RBFOX1: variants seen among roughly 807,000 people sequenced by gnomAD.
The protein encoded by RBFOX1 is RNA binding fox-1 homolog 1, also known as RNA binding protein fox-1 homolog 1.
Under a neutral mutation model 57.7 loss-of-function variants are expected in RBFOX1, and 8 were observed. The ratio of observed to expected loss-of-function variants is 0.14; its 90% confidence interval spans 0.08 to 0.25. RBFOX1 has a LOEUF of 0.25. Among genes scored for constraint, RBFOX1 ranks in the 10% least tolerant of loss-of-function variants. The pLI, the probability that RBFOX1 is intolerant of heterozygous loss-of-function variation, is 1.00. For missense variants in RBFOX1, 611 were observed against 548.5 expected, an observed-to-expected ratio of 1.11 and a Z score of -1.14; for synonymous variants, 326 against 222.4, an observed-to-expected ratio of 1.47 and a Z score of -4.15.
At chr16:6,987,243 C>T (rs1314478860) in intron 3 of RBFOX1, among the ~76,000 whole-genome samples, 7 of 152,106 alleles carry the variant, frequency 4.6e-5, no homozygotes, top group Non-Finnish European at 1.0e-4. Flanking sequence ...TGGTTATGCA[C>T]AGATTTATTG....
chr16:6,301,898 C>T (rs1263391493), intron 1 of RBFOX1, among the ~76,000 whole-genome samples: 3 of 152,120 alleles, frequency 2.0e-5, no homozygotes, highest in Non-Finnish European at 4.4e-5. Flanking sequence ...GATCCGGTAG[C>T]ACAGGTAGTC....
At chr16:6,561,018 C>T (rs1486297224) in intron 2 of RBFOX1, among the ~76,000 whole-genome samples, 5 of 152,320 alleles carry the variant, frequency 3.3e-5, no homozygotes, top group African/African-American at 1.2e-4. Context: ...ACTTCAAACG[C>T]ACCCTCCAAC....
At chr16:7,504,822 GACTA>G (rs1275839049) in intron 4 of RBFOX1, among the ~76,000 whole-genome samples, 1 of 112,562 alleles carries the variant, frequency 8.9e-6, no homozygotes, top group African/African-American at 4.9e-5. Flanking sequence ...TATATATAGT[GACTA>G]ACATTGTCTG....
intron 2 of RBFOX1, among the ~76,000 whole-genome samples, chr16:6,359,926 T>G (rs1457131649): frequency 2.0e-5 from 3 of 152,170 alleles, no homozygotes; most frequent in Non-Finnish European, 4.4e-5. Flanking sequence ...ATCATTAAAT[T>G]AATGGGATGT....
intron 3 of RBFOX1, among the ~76,000 whole-genome samples, chr16:6,927,779 T>A (rs2075866294): frequency 6.6e-6 from 1 of 152,150 alleles, no homozygotes; most frequent in Non-Finnish European, 1.5e-5. Context: ...TTGTTTTTGT[T>A]CTGTTGAATT....
chr16:5,369,324 T>A (rs1363073281), intron 1 of RBFOX1, among the ~76,000 whole-genome samples: 5 of 152,158 alleles, frequency 3.3e-5, no homozygotes, highest in African/African-American at 9.7e-5. Flanking sequence ...AAATGTAAAA[T>A]AAGCAACATT....
At chr16:6,932,609 T>A (rs1046652795) in intron 3 of RBFOX1, among the ~76,000 whole-genome samples, 4 of 152,164 alleles carry the variant, frequency 2.6e-5, no homozygotes, top group African/African-American at 9.7e-5. Flanking sequence ...CACGGGCCTG[T>A]CCACAGGCTG....
intron 4 of RBFOX1, among the ~76,000 whole-genome samples, chr16:7,509,592 A>G (rs1393686766): frequency 6.6e-6 from 1 of 152,210 alleles, no homozygotes; most frequent in Non-Finnish European, 1.5e-5. Flanking sequence ...CCAGTCTGCA[A>G]AAGAGCTGGA....
chr16:7,252,764 C>G (rs1017582502), intron 4 of RBFOX1, among the ~76,000 whole-genome samples: 11 of 150,928 alleles, frequency 7.3e-5, no homozygotes, highest in Non-Finnish European at 1.5e-4. Context: ...ATTATTTCCA[C>G]TTTTGATGGC....
chr16:7,499,522 C>A (rs1255662671), intron 4 of RBFOX1, among the ~76,000 whole-genome samples: 4 of 151,932 alleles, frequency 2.6e-5, no homozygotes, highest in African/African-American at 7.3e-5. Context: ...AAATTCAAGT[C>A]AGATATATGA....
At position 6,709,708 on chromosome 16, in the gene RBFOX1, C is replaced by G. The variant is rs149897265; in HGVS notation, c.-16+55058C>G. On this transcript the variant is annotated intron_variant, in intron 3 of 15. Coordinates refer to ENST00000550418, the MANE Select transcript of RBFOX1 (RefSeq NM_018723.4). ...AGGGTTTATTGTAATTACAGTGTTG[C>G]GGGTTTCGGTGGAACAGTTCCCTGG... 2.4e-3 allele frequency among the ~76,000 whole-genome samples: 372 copies of G among 152,110 alleles called. 3 individuals are homozygous for G. Among genetic ancestry groups the G allele is most frequent in the African/African-American group, 8.6e-3 (358 of 41,518 alleles).
chr16:5,384,743 A>G (rs114384543), intron 1 of RBFOX1, among the ~76,000 whole-genome samples: 1,901 of 152,336 alleles, frequency 0.012, 38 homozygotes, highest in African/African-American at 0.043. Context: ...CCCGAACATC[A>G]AAGATATGGA....
At chr16:6,990,282 T>A (rs762847696) in intron 3 of RBFOX1, among the ~76,000 whole-genome samples, 1 of 152,086 alleles carries the variant, frequency 6.6e-6, no homozygotes, top group Non-Finnish European at 1.5e-5. Flanking sequence ...CCCAGTACTT[T>A]GGGAGGCCGA....
At chr16:6,017,830 A>C (rs2095005644), upstream of RBFOX1, among the ~76,000 whole-genome samples, 1 of 152,224 alleles carries the variant, frequency 6.6e-6, no homozygotes. Flanking sequence ...TCTAGTACAA[A>C]GGAATGCACA....
At chr16:7,598,471 T>C (rs968922475) in intron 9 of RBFOX1, among the ~76,000 whole-genome samples, 1 of 152,044 alleles carries the variant, frequency 6.6e-6, no homozygotes, top group Admixed American at 6.6e-5. Flanking sequence ...AAAATTTTAA[T>C]TGCACATGGA....
intron 3 of RBFOX1, among the ~76,000 whole-genome samples, chr16:6,845,168 G>T (rs752589951): frequency 6.6e-6 from 1 of 152,076 alleles, no homozygotes; most frequent in Non-Finnish European, 1.5e-5. Context: ...CTGCACAGAA[G>T]CTCTTTAGTT....
intron 1 of RBFOX1, among the ~76,000 whole-genome samples, chr16:6,234,184 C>G (rs966862411): frequency 6.6e-6 from 1 of 152,200 alleles, no homozygotes; most frequent in Non-Finnish European, 1.5e-5. Context: ...GGCATTAAGT[C>G]TCATTGCCCT....
At chr16:6,824,727 T>G (rs1243147750) in intron 3 of RBFOX1, among the ~76,000 whole-genome samples, 1 of 152,076 alleles carries the variant, frequency 6.6e-6, no homozygotes, top group African/African-American at 2.4e-5. Context: ...TTACTTTTCT[T>G]TGAAAAAGTC....
At chr16:5,751,890 G>T (rs1024362129) in intron 3 of RBFOX1, among the ~76,000 whole-genome samples, 7 of 152,140 alleles carry the variant, frequency 4.6e-5, no homozygotes, top group African/African-American at 1.7e-4. Context: ...CCTAAAAACA[G>T]AAATACCATT....
Sources: gnomAD v4.1 joint callset for allele counts (sites outside exome capture counted in the v4.1 genomes callset) on GRCh38, gnomAD v4.1.1 for gene constraint, MANE v1.5 for transcripts, NCBI Gene and HGNC (gene_info 2026-07-23, HGNC 2026-07-21) for gene names.